RASSF1: variants seen among roughly 807,000 people sequenced by gnomAD.
The protein encoded by RASSF1 is ras association domain-containing protein 1.
RASSF1 carries 33 observed loss-of-function variants against 34.3 expected under a neutral mutation model. The observed-to-expected ratio is 0.96, with a 90% CI of 0.73 to 1.29. The LOEUF is 1.29. Among genes scored for constraint, RASSF1 ranks in the 50% most tolerant of loss-of-function variants. The pLI, the probability that RASSF1 is intolerant of heterozygous loss-of-function variation, is 0.00. For missense variants in RASSF1, 445 were observed against 471.8 expected (o/e 0.94, Z 0.53); for synonymous variants, 191 against 195.0 (o/e 0.98, Z 0.17).
In RASSF1 at chr3:50,340,619, T is replaced by C; in HGVS notation, c.187A>G (p.Thr63Ala). 6.5e-7 allele frequency: 1 copy of C among 1,536,226 alleles called. No homozygotes were observed. The highest frequency in any genetic ancestry group is 1.2e-5 in the South Asian group (1 of 84,016). The change falls in exon 1 of 6, where the codon ACG (threonine) becomes GCG (alanine). Residue 63 changes from threonine (T) to alanine (A), a missense_variant. Thr to Ala is a moderately conservative substitution (Grantham distance 58). Transcript: ENST00000359365. ...AAGTCGCCACAGAGGTCGCACCACG[T>C]GTGCGTGGCGGGCCCCGCGGGCTGG... ...RFQPAGPATH[T>A]WCDLCGDFIW...
chr3:50,339,934 G>C (rs1300104134), intron 1 of RASSF1, among the ~76,000 whole-genome samples: 1 of 152,202 alleles, frequency 6.6e-6, no homozygotes, highest in African/African-American at 2.4e-5. Context: ...AGGCTAGCGG[G>C]GAGGACTGTA....
intron 2 of RASSF1, 55 bp downstream of exon 2, chr3:50,337,848 CTG>C: frequency 6.8e-7 from 1 of 1,464,432 alleles, no homozygotes. Context: ...TCGAGAATGC[CTG>C]CACTGTGGCC....
chr3:50,335,828 A>C (rs1703117151), intron 2 of RASSF1, among the ~76,000 whole-genome samples: 3 of 152,028 alleles, frequency 2.0e-5, no homozygotes, highest in African/African-American at 7.3e-5. Flanking sequence ...CTGACCTCGA[A>C]TTCCTGATTG....
In RASSF1 at chr3:50,337,435, C is replaced by T. The variant is rs1342442534; in HGVS notation, c.357+470G>A. Reference sequence around the variant, plus strand: ...GCGTGCGCCCGGGCCAGAGCCGCGCCGCAACCGTTAAGACTGAAACGTAGA... The same window carrying T: ...GCGTGCGCCCGGGCCAGAGCCGCGCTGCAACCGTTAAGACTGAAACGTAGA... On this transcript the variant is annotated intron_variant, in intron 2 of 5. Transcript: ENST00000359365. 8 of 1,577,602 alleles carry T rather than the reference C, an allele frequency of 5.1e-6. No individual in the cohort carries two copies. The East Asian group carries it at 1.6e-4, about 31-fold the overall frequency.
intron 1 of RASSF1, 94 bp from the exon 2 acceptor site, chr3:50,338,105 G>A (rs1457743193): frequency 9.3e-6 from 14 of 1,507,532 alleles, no homozygotes; most frequent in Non-Finnish European, 1.2e-5. Context: ...GCCGCTGCTC[G>A]CCAGGCTCCG....
chr3:50,340,599 G>T lies in RASSF1; in HGVS notation c.207C>A (p.Gly69=). The stretch of plus-strand genomic sequence containing the variant: ...TGCGCACGACGCCCCAGATGAAGTC[G>T]CCACAGAGGTCGCACCACGTGTGCG... ...PATHTWCDLC[G]DFIWGVVRKG... The change falls in exon 1 of 6, where the codon GGC becomes GGA. Residue 69 remains glycine (G), a synonymous_variant. Coordinates refer to ENST00000359365, the MANE Select transcript of RASSF1 (RefSeq NM_007182.5). 2 of 1,546,436 alleles carry T rather than the reference G, an allele frequency of 1.3e-6. No individual in the cohort carries two copies. The highest frequency in any genetic ancestry group is 1.7e-6 in the Non-Finnish European group (2 of 1,156,522).
chr3:50,337,764 G>C, intron 2 of RASSF1, 141 bp downstream of exon 2: 1 of 960,350 alleles, frequency 1.0e-6, no homozygotes, highest in South Asian at 1.7e-5. Flanking sequence ...CAGCCCCCGC[G>C]CAGAATTAGC....
intron 2 of RASSF1, among the ~76,000 whole-genome samples, chr3:50,333,514 T>G (rs1228522517): frequency 1.3e-5 from 2 of 151,888 alleles, no homozygotes; most frequent in African/African-American, 4.8e-5. Context: ...CCTCACTCTG[T>G]CGCCCAGGCT....
Position 50,330,630 on chromosome 3 carries a change from TAGG to T in RASSF1, c.971_973del (p.Ser324del), listed in dbSNP as rs1559839313. The T allele has an allele frequency of 1.2e-6, 2 of 1,613,982 alleles. No individual in the cohort carries two copies. The highest frequency in any genetic ancestry group is 1.3e-5 in the African/African-American group (1 of 74,984). On this transcript the variant is annotated inframe_deletion, in exon 6 of 6. Transcript: ENST00000359365. The surrounding 1 kb of genome is among the most constrained non-coding windows in gnomAD (Gnocchi z 4.5). Reference sequence around the variant, plus strand: ...GGCCTCTTGGATCTTCTGGCGGCAATAGGAGTACTTCTGCAGGATCTGGCGGAG... The same window carrying T: ...GGCCTCTTGGATCTTCTGGCGGCAATAGTACTTCTGCAGGATCTGGCGGAG...
chr3:50,332,146 A>G lies in RASSF1; in HGVS notation c.366T>C (p.Pro122=), dbSNP rs772641426. ...AVERDTNVDE[P]VEWETPDLSQ... ...AAAGGTCAGGTGTCTCCCACTCCAC[A>G]GGCTCGTCCTGCAAGATGGGCCAGC... The change falls in exon 3 of 6, where the codon CCT becomes CCC. Residue 122 remains proline (P), a synonymous_variant. Transcript: ENST00000359365. 6.2e-7 allele frequency: 1 copy of G among 1,614,156 alleles called. No homozygotes were observed. Among genetic ancestry groups the G allele is most frequent in the Non-Finnish European group, 8.5e-7 (1 of 1,180,018 alleles).
At chr3:50,336,491 C>T (rs1432157549) in intron 2 of RASSF1, 2 of 152,210 alleles carry the variant, frequency 1.3e-5, no homozygotes, top group African/African-American at 2.4e-5. Context: ...TCTCTTTTTC[C>T]ACCTCTTTAG....
At chr3:50,337,347 G>C (rs1267890291) in intron 2 of RASSF1, 3 of 1,606,204 alleles carry the variant, frequency 1.9e-6, no homozygotes, top group Non-Finnish European at 1.7e-6. Context: ...CCCCAGTCCT[G>C]CGCGTCCGTA....
rs77643142 is a variant in RASSF1, at chr3:50,334,887, G to A, written c.358-2733C>T. On this transcript the variant is annotated intron_variant, in intron 2 of 5. Coordinates refer to ENST00000359365, the MANE Select transcript of RASSF1 (RefSeq NM_007182.5). ...GCCATCCCAGTCGGATGCACAGCAG[G>A]ACCATGGAATTTCCCTTCTGCACCA... 5.3e-5 allele frequency among the ~76,000 whole-genome samples: 8 copies of A among 152,218 alleles called. No homozygotes were observed. In the East Asian group the frequency reaches 1.5e-3, roughly 29 times the overall value.
chr3:50,338,273 T>C, intron 1 of RASSF1: 1 of 1,184,076 alleles, frequency 8.4e-7, no homozygotes, highest in Non-Finnish European at 1.1e-6. Context: ...CTTTCCTCAT[T>C]GGCAATTAAA....
rs1235802626 is a variant in RASSF1 at position 50,330,846 on chromosome 3, C to A, written c.877-119G>T. ...AAGCTAGGACTGGGCTTTCTGATGT[C>A]AGGCTCTTGGCTGAATGATCTCTGG... On this transcript the variant is annotated intron_variant, in intron 5 of 5. Coordinates refer to ENST00000359365, the MANE Select transcript of RASSF1 (RefSeq NM_007182.5). The surrounding 1 kb of genome is among the most constrained non-coding windows in gnomAD (Gnocchi z 4.5). 3.4e-6 allele frequency: 4 copies of A among 1,183,234 alleles called. No individual in the cohort carries two copies. The highest frequency in any genetic ancestry group is 4.7e-6 in the Non-Finnish European group (4 of 854,464). 73.3% of individuals were successfully genotyped at this position (1,183,234 alleles called of 1,614,324 possible).
Position 50,330,709 on chromosome 3 carries a change from G to A in RASSF1, c.895C>T (p.Pro299Ser). The change falls in exon 6 of 6, where the codon CCT becomes TCT. Residue 299 changes from proline to serine, a missense_variant. Pro to Ser is a moderately conservative substitution (Grantham distance 74, BLOSUM62 -1). Coordinates refer to ENST00000359365, the MANE Select transcript of RASSF1 (RefSeq NM_007182.5). This position sits in a 1 kb window ranked among gnomAD's most constrained non-coding sequence, Gnocchi z 4.5. Reference sequence around the variant, plus strand: ...ATACGTAGGAAGTTATGTAGTTCAGGCATGCTGAAGGCGTCCCACTGCAAG... The same window carrying A: ...ATACGTAGGAAGTTATGTAGTTCAGACATGCTGAAGGCGTCCCACTGCAAG... ...GEVNWDAFSM[P>S]ELHNFLRILQ... 1 of 1,613,976 alleles carries A rather than the reference G, an allele frequency of 6.2e-7. No individual in the cohort carries two copies. Among genetic ancestry groups the A allele is most frequent in the Non-Finnish European group, 8.5e-7 (1 of 1,179,956 alleles).
intron 2 of RASSF1, chr3:50,336,461 T>A (rs1229692035): frequency 6.6e-6 from 1 of 152,222 alleles, no homozygotes; most frequent in Non-Finnish European, 1.5e-5. Context: ...CACCTTACAG[T>A]CCTGGGTTAG....
chr3:50,337,339 C>T, intron 2 of RASSF1: 5 of 1,609,140 alleles, frequency 3.1e-6, no homozygotes, highest in Non-Finnish European at 4.2e-6. Flanking sequence ...CGCCCGTCCC[C>T]CAGTCCTGCG....
In RASSF1 at chr3:50,340,820, C is replaced by G. The variant is rs780816211; in HGVS notation, c.-15G>C. 2.2e-5 allele frequency: 32 copies of G among 1,458,570 alleles called. No individual in the cohort carries two copies. The highest frequency in any genetic ancestry group is 5.2e-5 in the South Asian group (4 of 77,514). 90.4% of individuals were successfully genotyped at this position (1,458,570 alleles called of 1,614,324 possible). A position where few individuals can be genotyped will look rare whatever the true frequency, so the allele number is the denominator to read the frequency against. ...TCCCCCGACATGGCCCGGTTGGGCC[C>G]GTGCTTCGCTGGCTTTGGGCGCTAG... is the stretch of plus-strand genomic sequence containing the variant. On this transcript the variant is annotated 5_prime_UTR_variant, in exon 1 of 6. Coordinates refer to ENST00000359365, the MANE Select transcript of RASSF1 (RefSeq NM_007182.5).
Sources: gnomAD v4.1 joint callset for allele counts (sites outside exome capture counted in the v4.1 genomes callset) on GRCh38, gnomAD v4.1.1 for gene constraint, Gnocchi (gnomAD v3.1) non-coding constraint, MANE v1.5 for transcripts, NCBI Gene and HGNC (gene_info 2026-07-23, HGNC 2026-07-21) for gene names.